The following MGST2 variants were observed in gnomAD, a reference collection of about 807,000 sequenced individuals.
MGST2 encodes glutathione peroxidase MGST2.
MGST2 carries 9 observed loss-of-function variants against 16.6 expected under a neutral mutation model. The observed-to-expected ratio is 0.54, with a 90% CI of 0.33 to 0.95. MGST2 has a LOEUF of 0.95. Ranked by LOEUF, MGST2 falls within the 40% of genes least tolerant of loss-of-function variation. The pLI is 0.03. For synonymous variants in MGST2, 79 were observed against 68.0 expected (o/e 1.16, Z -0.79); for missense variants, 159 against 175.1 (o/e 0.91, Z 0.52).
chr4:139,719,462 G>A (rs1449789043), intron 5 of MGST2: 2 of 1,614,018 alleles, frequency 1.2e-6, no homozygotes, highest in Admixed American at 3.3e-5. Flanking sequence ...GTAATTGTAT[G>A]ACACGTCCTG....
chr4:139,716,642 A>G (rs527818616), intron 5 of MGST2: 1 of 152,768 alleles, frequency 6.5e-6, no homozygotes, highest in African/African-American at 2.4e-5. Context: ...TTAAAGAATG[A>G]TATCAAAATT....
intron 3 of MGST2, among the ~76,000 whole-genome samples, chr4:139,702,343 C>A (rs1471305611): frequency 1.3e-5 from 2 of 152,038 alleles, no homozygotes; most frequent in African/African-American, 4.8e-5. Flanking sequence ...CAGTCAGTCC[C>A]CATTCTCACT....
In MGST2 at chr4:139,698,062, T is replaced by C; in HGVS notation, c.229+2795T>C. The C allele has an allele frequency of 3.6e-6, 3 of 843,452 alleles. No homozygotes were observed. The South Asian group carries it at 5.3e-5, about 15-fold the overall frequency. The allele number at this position is 843,452 out of a possible 1,614,324, so 52.2% of individuals were successfully genotyped here. ...TTTGACCCCATGGAAAAAAATTATC[T>C]AACGTTCAGAACTACCAATAACAGG... On this transcript the variant is annotated intron_variant, in intron 3 of 4. Coordinates refer to ENST00000265498, the MANE Select transcript of MGST2 (RefSeq NM_002413.5).
chr4:139,750,712 G>T, the MGST2 span, among the ~76,000 whole-genome samples: 1 of 152,090 alleles, frequency 6.6e-6, no homozygotes, highest in Non-Finnish European at 1.5e-5. Context: ...TACTTTCTTT[G>T]TATATTCTAC....
At chr4:139,673,472 T>C (rs955986624) in intron 1 of MGST2, among the ~76,000 whole-genome samples, 2 of 152,188 alleles carry the variant, frequency 1.3e-5, no homozygotes, top group African/African-American at 4.8e-5. Context: ...AGTGCATTGA[T>C]CCTGGCTCAC....
intron 2 of MGST2, among the ~76,000 whole-genome samples, chr4:139,679,880 C>T (rs1034629179): frequency 6.6e-6 from 1 of 152,250 alleles, no homozygotes; most frequent in South Asian, 2.1e-4. Context: ...CCAGCATGTC[C>T]CACACCTCAA....
intron 5 of MGST2, chr4:139,717,825 C>T (rs2110946343): frequency 6.6e-6 from 1 of 152,406 alleles, no homozygotes; most frequent in African/African-American, 2.4e-5. Context: ...CACAAGTCCT[C>T]CAAAAGGGGG....
At chr4:139,713,007 C>G (rs899952705) in intron 5 of MGST2, among the ~76,000 whole-genome samples, 2 of 152,184 alleles carry the variant, frequency 1.3e-5, no homozygotes, top group Non-Finnish European at 2.9e-5. Context: ...AAATTTTGTT[C>G]ACAGCAGTAT....
intron 5 of MGST2, among the ~76,000 whole-genome samples, chr4:139,714,735 T>C (rs1036264718): frequency 1.3e-5 from 2 of 151,896 alleles, no homozygotes; most frequent in Admixed American, 1.3e-4. Context: ...GAGAAAAACA[T>C]TGCCTGTGGC....
rs893070459 is a variant in MGST2, at chr4:139,735,973, G to A, written c.*49-4239G>A. On this transcript the variant is annotated intron_variant, in intron 5 of 5. Transcript: ENST00000616265. This position sits in a 1 kb window ranked among gnomAD's most constrained non-coding sequence, Gnocchi z 5.8. Reference sequence around the variant, plus strand: ...CCAGCGGGCGCATTTCCCAGGCCCCGCCACATCGTGTGTGTTAGTGGCTGG... The same window carrying A: ...CCAGCGGGCGCATTTCCCAGGCCCCACCACATCGTGTGTGTTAGTGGCTGG... 3.9e-5 allele frequency among the ~76,000 whole-genome samples: 6 copies of A among 152,294 alleles called. No individual in the cohort carries two copies. The South Asian group carries it at 1.2e-3, about 32-fold the overall frequency.
chr4:139,666,210 C>T, intron 1 of MGST2, 133 bp downstream of exon 1: 1 of 910,128 alleles, frequency 1.1e-6, no homozygotes. Context: ...TTGCAGGTAG[C>T]TCTGGGTCCT....
intron 5 of MGST2, among the ~76,000 whole-genome samples, chr4:139,737,939 A>G (rs1435659252): frequency 6.6e-6 from 1 of 152,234 alleles, no homozygotes; most frequent in Admixed American, 6.5e-5. Flanking sequence ...AGTTTGAGGC[A>G]GAGTTCATCA....
intron 5 of MGST2, among the ~76,000 whole-genome samples, chr4:139,734,182 G>C (rs888078503): frequency 6.6e-6 from 1 of 152,170 alleles, no homozygotes. Flanking sequence ...ATAATACATG[G>C]CTTCTTTTAA....
At chr4:139,752,342 C>T in the MGST2 span, among the ~76,000 whole-genome samples, 1 of 152,214 alleles carries the variant, frequency 6.6e-6, no homozygotes. Context: ...CCTGTGGTTG[C>T]ATGGGCGCAG....
In MGST2 at chr4:139,702,844, GTTTTTTTTTT is replaced by G. The variant is rs70943436; in HGVS notation, c.230-594_230-585del. 3.9e-3 allele frequency among the ~76,000 whole-genome samples: 180 copies of G among 46,452 alleles called. 8 individuals are homozygous for G. The highest frequency in any genetic ancestry group is 9.9e-3 in the African/African-American group (159 of 16,088). The allele number at this position is 46,452 out of a possible 152,430, so 30.5% of individuals were successfully genotyped here. A position where few individuals can be genotyped will look rare whatever the true frequency, so the allele number is the denominator to read the frequency against. ...TCCTCACCAACATTTTGTGTTACTG[GTTTTTTTTTT>G]TTTTTTTTTTTTTTTTACAATTTTA... On this transcript the variant is annotated intron_variant, in intron 3 of 4. Coordinates refer to ENST00000265498, the MANE Select transcript of MGST2 (RefSeq NM_002413.5).
chr4:139,668,560 A>AT (rs1253430413), intron 1 of MGST2, among the ~76,000 whole-genome samples: 1 of 145,310 alleles, frequency 6.9e-6, no homozygotes, highest in East Asian at 2.2e-4. Flanking sequence ...TAAGTGTTAG[A>AT]TTTTTTAAAG....
intron 1 of MGST2, among the ~76,000 whole-genome samples, chr4:139,666,391 G>A (rs768279270): frequency 2.4e-4 from 36 of 152,094 alleles, no homozygotes; most frequent in Non-Finnish European, 8.8e-5. Context: ...CCGTTCAAAC[G>A]AGCGTTAGTA....
chr4:139,737,693 C>A (rs1189842733), intron 5 of MGST2, among the ~76,000 whole-genome samples: 1 of 152,160 alleles, frequency 6.6e-6, no homozygotes, highest in African/African-American at 2.4e-5. Flanking sequence ...TAAAACCTTA[C>A]AATTCCCTTT....
downstream of MGST2, among the ~76,000 whole-genome samples, chr4:139,709,071 A>AATTTTTTT (rs755140695): frequency 1.1e-4 from 9 of 81,970 alleles, no homozygotes; most frequent in East Asian, 4.9e-4. Flanking sequence ...AATGGAAAAA[A>AATTTTTTT]TTTTTTTTTT....
Sources: gnomAD v4.1 joint callset for allele counts (sites outside exome capture counted in the v4.1 genomes callset) on GRCh38, gnomAD v4.1.1 for gene constraint, Gnocchi (gnomAD v3.1) non-coding constraint, MANE v1.5 for transcripts, NCBI Gene and HGNC (gene_info 2026-07-23, HGNC 2026-07-21) for gene names.